The following NECAB3 variants were observed in gnomAD, a reference collection of about 807,000 sequenced individuals.
NECAB3 encodes the protein N-terminal EF-hand calcium binding protein 3, also known as N-terminal EF-hand calcium-binding protein 3.
A neutral mutation model predicts 57.2 loss-of-function variants in NECAB3; 38 were observed. The observed-to-expected ratio is 0.66, with a 90% CI of 0.51 to 0.87. The LOEUF is 0.87. Ranked by LOEUF, NECAB3 falls within the 40% of genes least tolerant of loss-of-function variation. The pLI is 0.00. For missense variants in NECAB3, 474 were observed against 527.5 expected, an observed-to-expected ratio of 0.90 and a Z score of 0.99; for synonymous variants, 223 against 222.6, an observed-to-expected ratio of 1.00 and a Z score of -0.02.
intron 2 of NECAB3, 136 bp from the exon 3 acceptor site, chr20:33,670,928 T>C: frequency 3.2e-6 from 2 of 627,068 alleles, no homozygotes. Flanking sequence ...GAGTCTGAGG[T>C]CAGTGGGGGG....
In NECAB3 at chr20:33,657,793, CA is replaced by C; in HGVS notation, c.*35del. The stretch of plus-strand genomic sequence containing the variant: ...CCAGAAGGCTCCAGAGGGAGGCAGG[CA>C]GGGTCCCGGGGCCCTCGGCGTGTGC... On this transcript the variant is annotated 3_prime_UTR_variant, in exon 12 of 12. Coordinates refer to ENST00000246190, the MANE Select transcript of NECAB3 (RefSeq NM_031232.4). 6.7e-7 allele frequency: 1 copy of C among 1,501,220 alleles called. No homozygotes were observed. Among genetic ancestry groups the C allele is most frequent in the Non-Finnish European group, 8.9e-7 (1 of 1,120,936 alleles). 93.0% of individuals were successfully genotyped at this position (1,501,220 alleles called of 1,614,324 possible).
At chr20:33,669,659 A>G in intron 4 of NECAB3, 28 bp downstream of exon 4, 1 of 1,578,080 alleles carries the variant, frequency 6.3e-7, no homozygotes, top group Non-Finnish European at 8.6e-7. Flanking sequence ...GGGCCACAGG[A>G]GAAAAGAGCT....
intron 5 of NECAB3, chr20:33,668,106 T>C: frequency 1.9e-6 from 3 of 1,608,030 alleles, no homozygotes; most frequent in African/African-American, 2.7e-5. Flanking sequence ...TGGCCAAGCA[T>C]GGGCGTGGCA....
chr20:33,657,692 C>A lies in NECAB3; in HGVS notation c.*137G>T, dbSNP rs1447414760. Reference sequence around the variant, plus strand: ...AAAGCAAGCAGCCCAGTCCCTGATCCCTGGGCTGAGAGCCCTTCCACCAGG... The same window carrying A: ...AAAGCAAGCAGCCCAGTCCCTGATCACTGGGCTGAGAGCCCTTCCACCAGG... On this transcript the variant is annotated 3_prime_UTR_variant, in exon 12 of 12. Coordinates refer to ENST00000246190, the MANE Select transcript of NECAB3 (RefSeq NM_031232.4). 2 of 817,306 alleles carry A rather than the reference C, an allele frequency of 2.4e-6. No individual in the cohort carries two copies. The highest frequency in any genetic ancestry group is 3.7e-6 in the Non-Finnish European group (2 of 533,896). 50.6% of individuals were successfully genotyped at this position (817,306 alleles called of 1,614,324 possible).
At chr20:33,663,753 G>T (rs1478722843) in intron 5 of NECAB3, 1 of 1,481,916 alleles carries the variant, frequency 6.7e-7, no homozygotes, top group Non-Finnish European at 8.9e-7. Flanking sequence ...GGGCAGCTCT[G>T]AGCTGGCCGC....
In NECAB3 at chr20:33,660,444, C is replaced by T. The variant is rs370799918; in HGVS notation, c.388-49G>A. ...AGCATCTCCCAGCCCGGGCACTGAT[C>T]TCTTGAGTGGGTCCCCTGCCTCTTG... On this transcript the variant is annotated intron_variant, in intron 5 of 11. Coordinates refer to ENST00000246190, the MANE Select transcript of NECAB3 (RefSeq NM_031232.4). The surrounding 1 kb of genome is among the most constrained non-coding windows in gnomAD (Gnocchi z 4.1). 4.5e-5 allele frequency: 72 copies of T among 1,598,284 alleles called. No individual in the cohort carries two copies. In the African/African-American group the frequency reaches 9.5e-4, roughly 21 times the overall value.
chr20:33,658,700 C>T (rs1011426546), intron 9 of NECAB3, 22 bp downstream of exon 9: 1 of 1,609,924 alleles, frequency 6.2e-7, no homozygotes, highest in African/African-American at 1.3e-5. Context: ...CTGGCCATCC[C>T]ACCTGCCAGC....
chr20:33,663,561 C>A lies in NECAB3; in HGVS notation c.388-3166G>T. On this transcript the variant is annotated intron_variant, in intron 5 of 11. Transcript: ENST00000246190. ...GGATCGTGCTGATTCTCCCCCTGGACAAGCGGCAGCCGCTGGCCAACGCTG... is the reference window on the plus strand; with the variant it reads ...GGATCGTGCTGATTCTCCCCCTGGAAAAGCGGCAGCCGCTGGCCAACGCTG... 4 of 1,611,184 alleles carry A rather than the reference C, an allele frequency of 2.5e-6. No homozygotes were observed. In the South Asian group the frequency reaches 3.3e-5, roughly 13 times the overall value.
chr20:33,657,184 G>A lies in NECAB3; in HGVS notation c.*645C>T, dbSNP rs754531052. The A allele has an allele frequency of 2.0e-5, 3 of 152,692 alleles. No individual in the cohort carries two copies. The highest frequency in any genetic ancestry group is 2.1e-4 in the South Asian group (1 of 4,838). 9.5% of individuals were successfully genotyped at this position (152,692 alleles called of 1,614,324 possible). On this transcript the variant is annotated 3_prime_UTR_variant, in exon 12 of 12. Transcript: ENST00000246190. ...TAGGTGACCCTGGACCCAAATTATT[G>A]CTACTTGGCCAGGTCACCTTGGGGC...
In NECAB3 at chr20:33,658,032, G is replaced by A. The variant is rs201480052; in HGVS notation, c.1072C>T (p.His358Tyr). Residue 358 changes from histidine to tyrosine, a missense_variant and splice_region_variant, in exon 11 of 12, where the codon CAC (histidine) becomes TAC (tyrosine). Transcript: ENST00000246190. ...FWQDEASWRR[H>Y]QQSPGSKAFQ... is the part of the protein sequence containing the mutation. The stretch of plus-strand genomic sequence containing the variant: ...GCCTTGCTGCCAGGCGACTGCTGGT[G>A]CCTGCAGAGACCCAGGCTACAGTGA... 9.7e-6 allele frequency: 15 copies of A among 1,550,838 alleles called. No homozygotes were observed. The African/African-American group carries it at 1.9e-4, about 20-fold the overall frequency.
upstream of NECAB3, chr20:33,674,568 A>T: frequency 7.9e-6 from 2 of 253,310 alleles, no homozygotes; most frequent in Non-Finnish European, 1.3e-5. Flanking sequence ...GCGGAGGGGG[A>T]GGCGCCCGAG....
rs762874253 is a variant in NECAB3 at position 33,667,542 on chromosome 20, C to G, written c.387+1833G>C. On this transcript the variant is annotated intron_variant, in intron 5 of 11. Coordinates refer to ENST00000246190, the MANE Select transcript of NECAB3 (RefSeq NM_031232.4). ...TGGCGCTCTGCTCCACCGGCGCGTTCAGCGGGCTGGCCGTGGAGGCGGGCG... is the reference window on the plus strand; with the variant it reads ...TGGCGCTCTGCTCCACCGGCGCGTTGAGCGGGCTGGCCGTGGAGGCGGGCG... 32 of 1,545,632 alleles carry G rather than the reference C, an allele frequency of 2.1e-5. No homozygotes were observed. Among genetic ancestry groups the G allele is most frequent in the East Asian group, 2.4e-5 (1 of 41,316 alleles).
chr20:33,672,437 G>C lies in NECAB3; in HGVS notation c.130-15C>G, dbSNP rs748955079. ...CTGCGGAAAACCTAGAGGACAAAGGGACATAGAGAGAACTGTGAGTGCCAC... is the reference window on the plus strand; with the variant it reads ...CTGCGGAAAACCTAGAGGACAAAGGCACATAGAGAGAACTGTGAGTGCCAC... On this transcript the variant is annotated splice_polypyrimidine_tract_variant and intron_variant, in intron 1 of 11. Coordinates refer to ENST00000246190, the MANE Select transcript of NECAB3 (RefSeq NM_031232.4). The C allele has an allele frequency of 4.5e-5, 72 of 1,613,936 alleles. No individual in the cohort carries two copies. Among genetic ancestry groups the C allele is most frequent in the Non-Finnish European group, 5.9e-5 (70 of 1,180,000 alleles).
intron 5 of NECAB3, chr20:33,662,687 C>G: frequency 1.8e-6 from 1 of 557,834 alleles, no homozygotes; most frequent in East Asian, 3.2e-5. Flanking sequence ...CGCCTGTAAT[C>G]CCAACACGTT....
intron 5 of NECAB3, among the ~76,000 whole-genome samples, chr20:33,668,883 G>C (rs1169583039): frequency 6.6e-6 from 1 of 152,224 alleles, no homozygotes; most frequent in Admixed American, 6.5e-5. Flanking sequence ...AGCACTGTTC[G>C]AGCTTGTGTA....
rs1171967652 is a variant in NECAB3 at position 33,662,283 on chromosome 20, A to G, written c.388-1888T>C. 7 of 1,534,460 alleles carry G rather than the reference A, an allele frequency of 4.6e-6. No individual in the cohort carries two copies. In the Admixed American group the frequency reaches 1.4e-4, roughly 31 times the overall value. On this transcript the variant is annotated intron_variant, in intron 5 of 11. Coordinates refer to ENST00000246190, the MANE Select transcript of NECAB3 (RefSeq NM_031232.4). ...CAGCCCGTGAGGTCACAATGTTGCC[A>G]GGGCCCAGGGGGCAGAGCAGACGGA...
intron 5 of NECAB3, chr20:33,663,432 C>A: frequency 7.6e-7 from 1 of 1,309,750 alleles, no homozygotes; most frequent in South Asian, 1.4e-5. Flanking sequence ...GACGACAGGA[C>A]CCGGGTGGAC....
rs1427191735 is a variant in NECAB3, at chr20:33,658,395, C to T, written c.1070+82G>A. 10 of 1,399,436 alleles carry T rather than the reference C, an allele frequency of 7.1e-6. No individual in the cohort carries two copies. The East Asian group carries it at 9.2e-5, about 13-fold the overall frequency. 86.7% of individuals were successfully genotyped at this position (1,399,436 alleles called of 1,614,324 possible). On this transcript the variant is annotated intron_variant, in intron 10 of 11. Coordinates refer to ENST00000246190, the MANE Select transcript of NECAB3 (RefSeq NM_031232.4). ...CATCTGAGGTCACAGAGCCAGTGAG[C>T]GGGAGAGCAGAATTAGAACCCTGGC...
chr20:33,660,510 G>A lies in NECAB3; in HGVS notation c.388-115C>T, dbSNP rs757640915. 6.6e-6 allele frequency: 9 copies of A among 1,360,186 alleles called. No homozygotes were observed. The highest frequency in any genetic ancestry group is 4.3e-5 in the African/African-American group (3 of 69,638). 84.3% of individuals were successfully genotyped at this position (1,360,186 alleles called of 1,614,324 possible). A position where few individuals can be genotyped will look rare whatever the true frequency, so the allele number is the denominator to read the frequency against. On this transcript the variant is annotated intron_variant, in intron 5 of 11. Transcript: ENST00000246190. The surrounding 1 kb of genome is among the most constrained non-coding windows in gnomAD (Gnocchi z 4.1). ...GTGGCAGTGCCAAGAGCAGGGGCACGCAAACCTGGCACAGGCAGGAGGGTA... is the reference window on the plus strand; with the variant it reads ...GTGGCAGTGCCAAGAGCAGGGGCACACAAACCTGGCACAGGCAGGAGGGTA...
Sources: allele counts gnomAD v4.1 joint callset (sites outside exome capture counted in the v4.1 genomes callset), GRCh38; gene constraint gnomAD v4.1.1; non-coding constraint Gnocchi (gnomAD v3.1); transcripts MANE v1.5; gene names NCBI Gene and HGNC (gene_info 2026-07-23, HGNC 2026-07-21).